Variants in USP6NL observed in about 807,000 individuals in gnomAD.
The protein encoded by USP6NL is USP6 N-terminal like.
Under a neutral mutation model 61.9 loss-of-function variants are expected in USP6NL, and 26 were observed. The ratio of observed to expected loss-of-function variants is 0.42; its 90% CI spans 0.31 to 0.58. The LOEUF (loss-of-function observed/expected upper bound fraction) is 0.58, where lower values mean the gene tolerates loss of function less well. USP6NL is among the 20% of genes least tolerant of loss of function. USP6NL has a pLI of 0.16. For synonymous variants in USP6NL, 432 were observed against 390.1 expected (o/e 1.11, Z -1.27); for missense variants, 1,114 against 1,034.3 (o/e 1.08, Z -1.06).
chr10:11,583,184 ATT>A (rs11432382), intron 2 of USP6NL, among the ~76,000 whole-genome samples: 3 of 133,590 alleles, frequency 2.2e-5, no homozygotes, highest in Admixed American at 7.8e-5. Flanking sequence ...TATGTTTTCA[ATT>A]TTTTTTTTTT....
chr10:11,544,019 G>C (rs1477068039), intron 2 of USP6NL, among the ~76,000 whole-genome samples: 1 of 151,834 alleles, frequency 6.6e-6, no homozygotes, highest in Non-Finnish European at 1.5e-5. Flanking sequence ...CACCGTGTTA[G>C]CCAGGGTGGT....
At chr10:11,603,284 C>T (rs1838606332) in intron 1 of USP6NL, among the ~76,000 whole-genome samples, 1 of 152,192 alleles carries the variant, frequency 6.6e-6, no homozygotes, top group South Asian at 2.1e-4. Flanking sequence ...ATGACAACTT[C>T]AGGTATTTAG....
chr10:11,521,386 TA>T (rs146270836), intron 4 of USP6NL, among the ~76,000 whole-genome samples: 12,084 of 147,022 alleles, frequency 0.082, 1,099 homozygotes, highest in East Asian at 0.42. Flanking sequence ...TATTTTTTTT[TA>T]AATTTTTTTT....
intron 2 of USP6NL, among the ~76,000 whole-genome samples, chr10:11,545,980 C>G (rs927706594): frequency 6.6e-6 from 1 of 152,222 alleles, no homozygotes; most frequent in Non-Finnish European, 1.5e-5. Flanking sequence ...TACTGACAAA[C>G]AGCTTACATT....
Position 11,531,592 on chromosome 10 carries a change from A to T in USP6NL, c.5-4025T>A, listed in dbSNP as rs1004391139. 2.7e-4 allele frequency among the ~76,000 whole-genome samples: 41 copies of T among 151,958 alleles called. 1 individual carries two copies. The highest frequency in any genetic ancestry group is 1.5e-4 in the Non-Finnish European group (10 of 67,986). ...CTCAGCCTCCCAAAGTGCTGAGATTACAGGAGTGAGCCACCGCACCCGCTT... is the reference window on the plus strand; with the variant it reads ...CTCAGCCTCCCAAAGTGCTGAGATTTCAGGAGTGAGCCACCGCACCCGCTT... On this transcript the variant is annotated intron_variant, in intron 2 of 14. Coordinates refer to ENST00000609104, the MANE Select transcript of USP6NL (RefSeq NM_014688.5).
intron 6 of USP6NL, among the ~76,000 whole-genome samples, chr10:11,507,631 A>G (rs901930222): frequency 3.9e-5 from 6 of 152,264 alleles, no homozygotes; most frequent in African/African-American, 1.2e-4. Flanking sequence ...TTAAAAATTC[A>G]TACCTCATAT....
rs1404825800 is a variant in USP6NL at position 11,525,270 on chromosome 10, T to A, written c.155+116A>T. 5.1e-6 allele frequency: 4 copies of A among 784,166 alleles called. No individual in the cohort carries two copies. The highest frequency in any genetic ancestry group is 7.8e-6 in the Non-Finnish European group (4 of 510,862). The allele number at this position is 784,166 out of a possible 1,614,324, so 48.6% of individuals were successfully genotyped here. A position where few individuals can be genotyped will look rare whatever the true frequency, so the allele number is the denominator to read the frequency against. On this transcript the variant is annotated intron_variant, in intron 4 of 14. Coordinates refer to ENST00000609104, the MANE Select transcript of USP6NL (RefSeq NM_014688.5). The surrounding 1 kb of genome is among the most constrained non-coding windows in gnomAD (Gnocchi z 5.0). ...TAGGAATTTAGTATCAAAACGCATATTGTAAGACTATTCCTTATTCACAGC... is the reference window on the plus strand; with the variant it reads ...TAGGAATTTAGTATCAAAACGCATAATGTAAGACTATTCCTTATTCACAGC...
rs556034180 is a variant in USP6NL, at chr10:11,596,850, C to T, written c.4+781G>A. Reference sequence around the variant, plus strand: ...TTTGAACTGATGATGAGAAAAGCTGCCCTATTTCATATTAAGGTAAATATA... The same window carrying T: ...TTTGAACTGATGATGAGAAAAGCTGTCCTATTTCATATTAAGGTAAATATA... On this transcript the variant is annotated intron_variant, in intron 2 of 14. Coordinates refer to ENST00000609104, the MANE Select transcript of USP6NL (RefSeq NM_014688.5). This position sits in a 1 kb window ranked among gnomAD's most constrained non-coding sequence, Gnocchi z 4.1. 6.6e-6 allele frequency among the ~76,000 whole-genome samples: 1 copy of T among 152,224 alleles called. No individual in the cohort carries two copies. The highest frequency in any genetic ancestry group is 2.1e-4 in the South Asian group (1 of 4,826).
chr10:11,541,649 G>T (rs949507281), intron 2 of USP6NL, among the ~76,000 whole-genome samples: 3 of 152,086 alleles, frequency 2.0e-5, no homozygotes, highest in Admixed American at 2.0e-4. Context: ...ATAGAAAGCC[G>T]TAAGTGTTTT....
In USP6NL at chr10:11,520,324, G is replaced by A. The variant is rs1288385825; in HGVS notation, c.156-1750C>T. Among the ~76,000 whole-genome samples the A allele has an allele frequency of 2.6e-5, 4 of 152,158 alleles. No homozygotes were observed. The highest frequency in any genetic ancestry group is 2.6e-4 in the Admixed American group (4 of 15,276). ...CCAGCTTTCCTATACAGATGTTCTGGCATGATTTCTCCATATCTAAAACTT... is the reference window on the plus strand; with the variant it reads ...CCAGCTTTCCTATACAGATGTTCTGACATGATTTCTCCATATCTAAAACTT... On this transcript the variant is annotated intron_variant, in intron 4 of 14. Transcript: ENST00000609104. This position sits in a 1 kb window ranked among gnomAD's most constrained non-coding sequence, Gnocchi z 5.2.
At position 11,518,422 on chromosome 10, in the gene USP6NL, G is replaced by T. The variant is rs975750730; in HGVS notation, c.195+113C>A. 34 of 902,568 alleles carry T rather than the reference G, an allele frequency of 3.8e-5. No homozygotes were observed. In the African/African-American group the frequency reaches 4.7e-4, roughly 12 times the overall value. 55.9% of individuals were successfully genotyped at this position (902,568 alleles called of 1,614,324 possible). On this transcript the variant is annotated intron_variant, in intron 5 of 14. Coordinates refer to ENST00000609104, the MANE Select transcript of USP6NL (RefSeq NM_014688.5). The surrounding 1 kb of genome is among the most constrained non-coding windows in gnomAD (Gnocchi z 5.3). The stretch of plus-strand genomic sequence containing the variant: ...ATAATGAGGTCCAAAATCTAACAAT[G>T]ACTGTACCATTCCCATATAATATGG...
rs1365232659 is a variant in USP6NL at position 11,485,632 on chromosome 10, T to C, written c.759+185A>G. On this transcript the variant is annotated intron_variant, in intron 11 of 14. Transcript: ENST00000609104. This position sits in a 1 kb window ranked among gnomAD's most constrained non-coding sequence, Gnocchi z 4.8. ...TCAAATCCCTCAGTAAGAACTGTGA[T>C]AGCCTGTCAATATTAAATTTTACAA... 6.6e-6 allele frequency among the ~76,000 whole-genome samples: 1 copy of C among 152,242 alleles called. No homozygotes were observed. The highest frequency in any genetic ancestry group is 1.5e-5 in the Non-Finnish European group (1 of 68,030).
At position 11,597,562 on chromosome 10, in the gene USP6NL, T is replaced by G; in HGVS notation, c.4+69A>C. ...TTCCAATTTATTCAGTAACATGTTT[T>G]TCTTCTCCTAAGCACAATACAGCAA... On this transcript the variant is annotated intron_variant, in intron 2 of 14. Transcript: ENST00000609104. This position sits in a 1 kb window ranked among gnomAD's most constrained non-coding sequence, Gnocchi z 4.6. 1.3e-6 allele frequency: 2 copies of G among 1,499,302 alleles called. No individual in the cohort carries two copies. Among genetic ancestry groups the G allele is most frequent in the Non-Finnish European group, 1.8e-6 (2 of 1,099,582 alleles). The allele number at this position is 1,499,302 out of a possible 1,614,324, so 92.9% of individuals were successfully genotyped here.
intron 2 of USP6NL, among the ~76,000 whole-genome samples, chr10:11,555,716 TA>T (rs1836685670): frequency 6.6e-6 from 1 of 151,404 alleles, no homozygotes; most frequent in Non-Finnish European, 1.5e-5. Context: ...CACATCAGAG[TA>T]AAACTTCCAA....
chr10:11,564,235 T>C (rs528051440), intron 2 of USP6NL: 23 of 152,202 alleles, frequency 1.5e-4, no homozygotes, highest in Non-Finnish European at 2.8e-4. Flanking sequence ...TGAATGAAGA[T>C]ACTTCAGCAC....
chr10:11,479,793 T>C (rs975606494), intron 14 of USP6NL, among the ~76,000 whole-genome samples: 10 of 152,062 alleles, frequency 6.6e-5, no homozygotes, highest in Admixed American at 2.0e-4. Context: ...GCCAGGATGG[T>C]CTCGGTCTCC....
At chr10:11,584,391 C>T (rs1319630254) in intron 2 of USP6NL, among the ~76,000 whole-genome samples, 1 of 152,208 alleles carries the variant, frequency 6.6e-6, no homozygotes, top group African/African-American at 2.4e-5. Flanking sequence ...GTCCCTCTAA[C>T]ATTCAGAGAG....
chr10:11,579,061 A>G (rs1217682938), intron 2 of USP6NL, among the ~76,000 whole-genome samples: 1 of 152,228 alleles, frequency 6.6e-6, no homozygotes, highest in Non-Finnish European at 1.5e-5. Flanking sequence ...GGGGAAAAAA[A>G]GTTTGAAGAT....
Position 11,485,557 on chromosome 10 carries a change from C to T in USP6NL, c.759+260G>A, listed in dbSNP as rs1279396880. 6.6e-6 allele frequency among the ~76,000 whole-genome samples: 1 copy of T among 152,126 alleles called. No individual in the cohort carries two copies. The highest frequency in any genetic ancestry group is 1.5e-5 in the Non-Finnish European group (1 of 68,010). Reference sequence around the variant, plus strand: ...AAAACCTCCAAAACAACTGGGAGATCCCATATCTTTAAATTATCACATTGT... The same window carrying T: ...AAAACCTCCAAAACAACTGGGAGATTCCATATCTTTAAATTATCACATTGT... On this transcript the variant is annotated intron_variant, in intron 11 of 14. Coordinates refer to ENST00000609104, the MANE Select transcript of USP6NL (RefSeq NM_014688.5). This position sits in a 1 kb window ranked among gnomAD's most constrained non-coding sequence, Gnocchi z 4.8.
Sources: gnomAD v4.1 joint callset for allele counts (sites outside exome capture counted in the v4.1 genomes callset) on GRCh38, gnomAD v4.1.1 for gene constraint, Gnocchi (gnomAD v3.1) non-coding constraint, MANE v1.5 for transcripts, NCBI Gene and HGNC (gene_info 2026-07-23, HGNC 2026-07-21) for gene names.